The following DCC variants were observed in gnomAD, a reference collection of about 807,000 sequenced individuals.
The protein encoded by DCC is DCC netrin 1 receptor.
In DCC, 58 loss-of-function variants were observed where a neutral mutation model predicts 172.5. The observed-to-expected ratio is 0.34, with a 90% CI of 0.27 to 0.42. DCC has a LOEUF of 0.42. Ranked by LOEUF, DCC falls within the 10% of genes least tolerant of loss-of-function variation. The probability of loss-of-function intolerance (pLI) is 1.00; values close to 1 mark genes in which losing one functional copy is unlikely to be tolerated. For synonymous variants in DCC, 709 were observed against 644.5 expected (o/e 1.10, Z -1.52); for missense variants, 1,740 against 1,791.0 (o/e 0.97, Z 0.51).
intron 7 of DCC, among the ~76,000 whole-genome samples, chr18:53,155,155 G>C (rs2054709892): frequency 6.6e-6 from 1 of 150,576 alleles, no homozygotes; most frequent in African/African-American, 2.4e-5. Context: ...AGTAAGAATT[G>C]TATATCGATA....
At chr18:53,294,537 A>G (rs779112866) in intron 12 of DCC, among the ~76,000 whole-genome samples, 12 of 152,218 alleles carry the variant, frequency 7.9e-5, no homozygotes, top group African/African-American at 1.2e-4. Flanking sequence ...GGGTGGGTGT[A>G]TTTTGGAAGG....
At chr18:52,365,539 C>G (rs1405979292) in intron 1 of DCC, among the ~76,000 whole-genome samples, 1 of 151,588 alleles carries the variant, frequency 6.6e-6, no homozygotes, top group Non-Finnish European at 1.5e-5. Flanking sequence ...GGTTTATGGT[C>G]TGAGGTACGA....
At chr18:52,645,023 G>A (rs2034992547) in intron 1 of DCC, among the ~76,000 whole-genome samples, 1 of 152,100 alleles carries the variant, frequency 6.6e-6, no homozygotes, top group African/African-American at 2.4e-5. Context: ...GGGGAAGTGT[G>A]TTTTTGTTGC....
chr18:52,743,056 T>C (rs899144962), intron 1 of DCC, among the ~76,000 whole-genome samples: 11 of 152,188 alleles, frequency 7.2e-5, no homozygotes, highest in Non-Finnish European at 1.2e-4. Context: ...TTGTGTACAC[T>C]AAATATGGGT....
chr18:53,448,584 T>C (rs1446583597), intron 22 of DCC, among the ~76,000 whole-genome samples: 6 of 152,060 alleles, frequency 3.9e-5, no homozygotes, highest in Admixed American at 3.9e-4. Flanking sequence ...TTCCTAAAAA[T>C]GTGGTGGCTC....
intron 5 of DCC, among the ~76,000 whole-genome samples, chr18:53,047,312 TTATATA>T (rs1255689776): frequency 4.9e-5 from 1 of 20,254 alleles, no homozygotes; most frequent in Non-Finnish European, 1.1e-4. Context: ...ATATATAATT[TTATATA>T]TATATAATTT....
chr18:52,494,898 T>C (rs189654155), intron 1 of DCC, among the ~76,000 whole-genome samples: 110 of 152,272 alleles, frequency 7.2e-4, no homozygotes, highest in African/African-American at 2.3e-3. Flanking sequence ...TTATTTACTA[T>C]GTATAAAAAT....
intron 27 of DCC, among the ~76,000 whole-genome samples, chr18:53,515,411 C>T (rs897613377): frequency 5.0e-4 from 76 of 150,806 alleles, no homozygotes; most frequent in African/African-American, 1.7e-3. Flanking sequence ...CCCTCTCTCA[C>T]CACTCGTATT....
intron 8 of DCC, among the ~76,000 whole-genome samples, chr18:53,167,983 G>C (rs1260802504): frequency 6.6e-6 from 1 of 152,124 alleles, no homozygotes; most frequent in African/African-American, 2.4e-5. Flanking sequence ...TGGTCATTGA[G>C]AAATGCAAAT....
chr18:53,209,322 C>T (rs1598908545), intron 11 of DCC, among the ~76,000 whole-genome samples: 1 of 151,982 alleles, frequency 6.6e-6, no homozygotes, highest in Non-Finnish European at 1.5e-5. Flanking sequence ...GTGGGGCCAA[C>T]GAAAACTCAG....
chr18:53,160,380 A>G (rs929498831), intron 8 of DCC, among the ~76,000 whole-genome samples: 1 of 152,150 alleles, frequency 6.6e-6, no homozygotes, highest in Admixed American at 6.5e-5. Context: ...TGTTGATCCT[A>G]TCCCTTATAG....
intron 15 of DCC, among the ~76,000 whole-genome samples, chr18:53,347,540 T>C (rs1010235179): frequency 3.9e-5 from 6 of 152,212 alleles, no homozygotes; most frequent in Non-Finnish European, 8.8e-5. Context: ...GTATTTAACA[T>C]CTGAATTACA....
intron 1 of DCC, among the ~76,000 whole-genome samples, chr18:52,386,706 G>C (rs1985813333): frequency 6.6e-6 from 1 of 151,992 alleles, no homozygotes; most frequent in African/African-American, 2.4e-5. Flanking sequence ...AGCAAATTTT[G>C]GTTTTAGAAA....
At chr18:53,512,687 A>G (rs1294719635) in intron 27 of DCC, among the ~76,000 whole-genome samples, 31 of 152,074 alleles carry the variant, frequency 2.0e-4, no homozygotes, top group South Asian at 8.3e-4. Flanking sequence ...GAGCCGATGC[A>G]ATCAACTGGA....
rs1014948176 is a variant in DCC, at chr18:53,486,967, T to C, written c.3898+9T>C. The C allele has an allele frequency of 6.2e-6, 10 of 1,613,976 alleles. No individual in the cohort carries two copies. The highest frequency in any genetic ancestry group is 8.5e-6 in the Non-Finnish European group (10 of 1,179,976). The stretch of plus-strand genomic sequence containing the variant: ...AGCAGGAAGAAGTCAGTGTAATGCA[T>C]TTTCCTCTCTTTTTAATAAGCACAA... On this transcript the variant is annotated intron_variant, in intron 26 of 28. Coordinates refer to ENST00000442544, the MANE Select transcript of DCC (RefSeq NM_005215.4).
At chr18:53,442,534 G>C (rs1912337404) in intron 22 of DCC, among the ~76,000 whole-genome samples, 2 of 152,062 alleles carry the variant, frequency 1.3e-5, no homozygotes, top group African/African-American at 4.8e-5. Flanking sequence ...TCTATTCTCT[G>C]AGCACAACAC....
At chr18:53,289,349 T>C (rs2056973254) in intron 12 of DCC, among the ~76,000 whole-genome samples, 1 of 152,186 alleles carries the variant, frequency 6.6e-6, no homozygotes, top group South Asian at 2.1e-4. Context: ...TTGTGTTTCA[T>C]GATTGATCAA....
chr18:52,667,343 C>G (rs974029848), intron 1 of DCC, among the ~76,000 whole-genome samples: 2 of 152,178 alleles, frequency 1.3e-5, no homozygotes, highest in Non-Finnish European at 2.9e-5. Flanking sequence ...ATTCATGAAA[C>G]AAGTATTATT....
chr18:52,775,609 C>T (rs1036053994), intron 2 of DCC, among the ~76,000 whole-genome samples: 1 of 152,184 alleles, frequency 6.6e-6, no homozygotes, highest in African/African-American at 2.4e-5. Flanking sequence ...CCGGGTCAAA[C>T]TCTGCCTCGT....
Sources: allele counts gnomAD v4.1 joint callset (sites outside exome capture counted in the v4.1 genomes callset), GRCh38; gene constraint gnomAD v4.1.1; transcripts MANE v1.5; gene names NCBI Gene and HGNC (gene_info 2026-07-23, HGNC 2026-07-21).